TTN: variants seen among roughly 807,000 people sequenced by gnomAD.
The protein encoded by TTN is connectin.
In TTN, 1,525 loss-of-function variants were observed where a neutral mutation model predicts 3,223.0. The observed-to-expected ratio is 0.47, with a 90% CI of 0.45 to 0.49. The LOEUF (loss-of-function observed/expected upper bound fraction) is 0.49, where lower values mean the gene tolerates loss of function less well. Ranked by LOEUF, TTN falls within the 20% of genes least tolerant of loss-of-function variation. TTN has a pLI of 0.00. For missense variants in TTN, 40,786 were observed against 43,424.0 expected (o/e 0.94, Z 5.40); for synonymous variants, 14,094 against 15,161.0 (o/e 0.93, Z 5.17).
Position 178,766,482 on chromosome 2 carries a change from C to T in TTN, c.9602G>A (p.Arg3201Lys), listed in dbSNP as rs2090450408. Reference sequence around the variant, plus strand: ...CTCAGAGATAAACATTCGGTGGATTCTTCTTTCCACTACATATTTGTGTCG... The same window carrying T: ...CTCAGAGATAAACATTCGGTGGATTTTTCTTTCCACTACATATTTGTGTCG... ...QERHKYVVER[R>K]IHRMFISETR... The change falls in exon 41 of 363, where the codon AGA becomes AAA. Residue 3201 changes from arginine to lysine, a missense_variant. Transcript: ENST00000589042. 6.2e-7 allele frequency: 1 copy of T among 1,614,084 alleles called. No individual in the cohort carries two copies.
rs556756328 is a variant in TTN, at chr2:178,784,156, C to T, written c.2689G>A (p.Glu897Lys). The change falls in exon 16 of 363, where the codon GAG (glutamate) becomes AAG (lysine). Residue 897 changes from glutamate (E) to lysine (K), a missense_variant. By Grantham distance (56) the Glu-to-Lys change is moderately conservative (BLOSUM62 1). Coordinates refer to ENST00000589042, the MANE Select transcript of TTN (RefSeq NM_001267550.2). The part of the protein sequence containing the change: ...PDTYKSEAGV[E>K]VKKEVGVSIT... ...CTCACCCCTACTTCCTTTTTCACCT[C>T]AACGCCAGCTTCACTCTTGTAAGTA... 6.2e-7 allele frequency: 1 copy of T among 1,614,150 alleles called. No individual in the cohort carries two copies. Among genetic ancestry groups the T allele is most frequent in the East Asian group, 2.2e-5 (1 of 44,870 alleles).
intron 321 of TTN, 120 bp downstream of exon 321, chr2:178,578,490 TA>T: frequency 7.8e-6 from 6 of 769,080 alleles, no homozygotes; most frequent in Non-Finnish European, 1.3e-5. Context: ...TGTACTGAAA[TA>T]AAAACACATT....
chr2:178,739,596 T>C lies in TTN; in HGVS notation c.13637A>G (p.Tyr4546Cys), dbSNP rs1025928667. Residue 4546 changes from tyrosine to cysteine, a missense_variant, in exon 48 of 363, where the codon TAT (tyrosine) becomes TGT (cysteine). Transcript: ENST00000589042. ...SYFNVQSRVK[Y>C]LDATPVTKGV... ...TTTAGTGACAGGTGTGGCATCCAAA[T>C]ATTTAACCCTACTTTGCACGTTAAA... The C allele has an allele frequency of 2.5e-6, 4 of 1,613,748 alleles. No homozygotes were observed. Among genetic ancestry groups the C allele is most frequent in the Non-Finnish European group, 2.5e-6 (3 of 1,179,838 alleles).
rs764434631 is a variant in TTN at position 178,740,904 on chromosome 2, C to A, written c.12329G>T (p.Gly4110Val). Residue 4110 changes from glycine (G) to valine (V), a missense_variant, in exon 48 of 363, where the codon GGA becomes GTA. Gly to Val is a moderately radical substitution (Grantham distance 109, BLOSUM62 -3). Coordinates refer to ENST00000589042, the MANE Select transcript of TTN (RefSeq NM_001267550.2). ...CAAAATGGATTGCAATTCCTGAGCT[C>A]CCAAAGGAAGCTGACTGCTCAATTC... ...ANELSSQLPL[G>V]AQELQSILEQ... is the part of the protein sequence containing the mutation. 14 of 1,613,810 alleles carry A rather than the reference C, an allele frequency of 8.7e-6. No individual in the cohort carries two copies. Among genetic ancestry groups the A allele is most frequent in the Non-Finnish European group, 1.1e-5 (13 of 1,179,810 alleles).
In TTN at chr2:178,761,349, TA is replaced by T. The variant is rs899418367; in HGVS notation, c.10115-2178del. 9.9e-5 allele frequency among the ~76,000 whole-genome samples: 15 copies of T among 152,274 alleles called. No homozygotes were observed. The East Asian group carries it at 2.5e-3, about 25-fold the overall frequency. The stretch of plus-strand genomic sequence containing the variant: ...GGCTTAAAAATCCTGCAGTGTCTCC[TA>T]AATGTAAACAAGATCAATTCCAAAA... On this transcript the variant is annotated intron_variant, in intron 43 of 362. Coordinates refer to ENST00000589042, the MANE Select transcript of TTN (RefSeq NM_001267550.2).
chr2:178,563,881 C>A lies in TTN; in HGVS notation c.82251G>T (p.Trp27417Cys). The change falls in exon 326 of 363, where the codon TGG becomes TGT. Residue 27417 changes from tryptophan (W) to cysteine (C), a missense_variant. Physicochemically the swap from Trp to Cys is radical, Grantham distance 215 (BLOSUM62 -2). Transcript: ENST00000589042. This position sits in a 1 kb window ranked among gnomAD's most constrained non-coding sequence, Gnocchi z 4.5. ...IEKRETSRLS[W>C]TQVSTEVQAL... ...CCTGTACCTCAGTTGAAACCTGGGT[C>A]CAAGAGAGTCGGCTTGTCTCCCTCT... 6.2e-7 allele frequency: 1 copy of A among 1,613,670 alleles called. No homozygotes were observed. Among genetic ancestry groups the A allele is most frequent in the Non-Finnish European group, 8.5e-7 (1 of 1,179,730 alleles).
In TTN at chr2:178,736,018, T is replaced by G. The variant is rs367630668; in HGVS notation, c.14428A>C (p.Lys4810Gln). Residue 4810 changes from lysine (K) to glutamine (Q), a missense_variant, in exon 50 of 363, where the codon AAG becomes CAG. Transcript: ENST00000589042. ...ACTGTGCAGATGAACTTGGCTGCCT[T>G]ACCCACAAAAGTTGTAAGGGACTTA... ...RPKSLTTFVGKAAKFICTVTG... is the reference protein window; with the variant it reads ...RPKSLTTFVGQAAKFICTVTG... 27 of 1,612,016 alleles carry G rather than the reference T, an allele frequency of 1.7e-5. No individual in the cohort carries two copies. The Admixed American group carries it at 3.8e-4, about 23-fold the overall frequency.
In TTN at chr2:178,632,212, T is replaced by C; in HGVS notation, c.43682A>G (p.Asp14561Gly). The change falls in exon 236 of 363, where the codon GAT becomes GGT. Residue 14561 changes from aspartate to glycine, a missense_variant. Coordinates refer to ENST00000589042, the MANE Select transcript of TTN (RefSeq NM_001267550.2). ...TTCTACTCTAATTTGGGAGGTGTCA[T>C]CAATAGACAGGTCTTTGAATGTGAT... The part of the protein sequence containing the change: ...HSITFKDLSI[D>G]DTSQIRVEAM... 6.2e-7 allele frequency: 1 copy of C among 1,608,266 alleles called. No individual in the cohort carries two copies.
At position 178,806,462 on chromosome 2, in the gene TTN, A is replaced by C. The variant is rs957686596; in HGVS notation, c.-14+750T>G. ...CTTACCCTTCTTAGTGTCAACATTT[A>C]TCTCAAAATATATAATTGGACTGTG... On this transcript the variant is annotated intron_variant, in intron 1 of 362. Coordinates refer to ENST00000589042, the MANE Select transcript of TTN (RefSeq NM_001267550.2). Among the ~76,000 whole-genome samples, 5 of 152,354 alleles carry C rather than the reference A, an allele frequency of 3.3e-5. 1 individual carries two copies. In the South Asian group the frequency reaches 1.0e-3, roughly 32 times the overall value.
chr2:178,630,717 A>G, intron 238 of TTN, 87 bp downstream of exon 238: 1 of 1,522,896 alleles, frequency 6.6e-7, no homozygotes, highest in Non-Finnish European at 8.8e-7. Context: ...CATGTTTTAA[A>G]TGTCCTGCAT....
At chr2:178,601,811 T>A (rs72646821) in intron 285 of TTN, 24 bp from the exon 286 acceptor site, 1 of 1,603,608 alleles carries the variant, frequency 6.2e-7, no homozygotes, top group East Asian at 2.2e-5. Context: ...ATAGTAGTCA[T>A]ACATTGAATG....
rs898070344 is a variant in TTN at position 178,776,757 on chromosome 2, G to T, written c.5107C>A (p.Pro1703Thr). ...DLYDKEKQQK[P>T]FFKKKLTSLR... ...GAAGTGAGTTTTTTCTTGAAAAATG[G>T]TTTCTGTTGTTTCTCTTTGTCATAG... The change falls in exon 28 of 363, where the codon CCA (proline) becomes ACA (threonine). Residue 1703 changes from proline (P) to threonine (T), a missense_variant. Coordinates refer to ENST00000589042, the MANE Select transcript of TTN (RefSeq NM_001267550.2). 2 of 1,614,104 alleles carry T rather than the reference G, an allele frequency of 1.2e-6. No individual in the cohort carries two copies. Among genetic ancestry groups the T allele is most frequent in the Non-Finnish European group, 1.7e-6 (2 of 1,180,008 alleles).
chr2:178,687,891 G>A (rs1280945470), intron 127 of TTN, among the ~76,000 whole-genome samples: 1 of 152,070 alleles, frequency 6.6e-6, no homozygotes, highest in Non-Finnish European at 1.5e-5. Flanking sequence ...ATGTAGGCAA[G>A]TAAGAAGGGA....
intron 41 of TTN, among the ~76,000 whole-genome samples, chr2:178,765,210 T>TC (rs1249699223): frequency 3.3e-5 from 5 of 152,176 alleles, no homozygotes; most frequent in African/African-American, 1.2e-4. Context: ...CTCATATCAT[T>TC]CCAGTTTGTT....
At chr2:178,750,317 G>C (rs751513077) in intron 47 of TTN, 1 of 1,613,040 alleles carries the variant, frequency 6.2e-7, no homozygotes, top group East Asian at 2.2e-5. Context: ...AAGCATACTG[G>C]TTGTTTTTAC....
chr2:178,702,111 T>A (rs768072400), intron 108 of TTN, 45 bp from the exon 109 acceptor site: 4 of 1,613,470 alleles, frequency 2.5e-6, no homozygotes, highest in Non-Finnish European at 3.4e-6. Flanking sequence ...CAGAATGGTA[T>A]AGGTAGGCTA....
chr2:178,770,854 A>G (rs527885342), intron 34 of TTN, 179 bp from the exon 35 acceptor site: 7 of 884,120 alleles, frequency 7.9e-6, no homozygotes, highest in East Asian at 2.4e-5. Context: ...CTGGGATCCA[A>G]CTGGACATGT....
chr2:178,554,762 A>G lies in TTN; in HGVS notation c.88595-10T>C. ...GGTGGGCCTGGTTTGTCTATCAGTG[A>G]AAGGACAAAACACGATGTTAGTACT... On this transcript the variant is annotated splice_polypyrimidine_tract_variant and intron_variant, in intron 331 of 362. Transcript: ENST00000589042. 5 of 1,612,948 alleles carry G rather than the reference A, an allele frequency of 3.1e-6. No homozygotes were observed. The highest frequency in any genetic ancestry group is 4.2e-6 in the Non-Finnish European group (5 of 1,179,648).
chr2:178,671,431 C>T (rs894943732), intron 155 of TTN, among the ~76,000 whole-genome samples: 4 of 151,614 alleles, frequency 2.6e-5, no homozygotes, highest in Non-Finnish European at 5.9e-5. Flanking sequence ...AGTGGTATTG[C>T]AGATAACTTA....
Sources: gnomAD v4.1 joint callset for allele counts (sites outside exome capture counted in the v4.1 genomes callset) on GRCh38, gnomAD v4.1.1 for gene constraint, Gnocchi (gnomAD v3.1) non-coding constraint, MANE v1.5 for transcripts, NCBI Gene and HGNC (gene_info 2026-07-23, HGNC 2026-07-21) for gene names.